The following KLHL29 variants were observed in gnomAD, a reference collection of about 807,000 sequenced individuals.
KLHL29 encodes kelch-like protein 29.
In KLHL29, 21 loss-of-function variants were observed where a neutral mutation model predicts 80.4. The observed-to-expected ratio is 0.26, with a 90% CI of 0.19 to 0.38. The LOEUF (loss-of-function observed/expected upper bound fraction) is 0.38, where lower values mean the gene tolerates loss of function less well. Ranked by LOEUF, KLHL29 falls within the 10% of genes least tolerant of loss-of-function variation. The pLI is 1.00. For missense variants in KLHL29, 867 were observed against 1,223.9 expected (o/e 0.71, Z 4.35); for synonymous variants, 511 against 526.8 (o/e 0.97, Z 0.41).
chr2:23,466,164 G>A (rs1530045), intron 1 of KLHL29, among the ~76,000 whole-genome samples: 46,308 of 151,980 alleles, frequency 0.3, 7,129 homozygotes, highest in East Asian at 0.37. Flanking sequence ...ATTTCCGTCC[G>A]CTGGGGTAAT....
intron 6 of KLHL29, chr2:23,689,525 T>C (rs964218145): frequency 6.6e-6 from 1 of 152,402 alleles, no homozygotes; most frequent in Admixed American, 6.5e-5. Context: ...TGCGTGTGCA[T>C]GTGCTCGCAC....
Position 23,419,635 on chromosome 2 carries a change from C to G in KLHL29, c.-154+33855C>G, listed in dbSNP as rs1572497658. Among the ~76,000 whole-genome samples the G allele has an allele frequency of 2.0e-5, 3 of 152,278 alleles. No homozygotes were observed. In the South Asian group the frequency reaches 6.2e-4, roughly 32 times the overall value. ...CAGAATAGATTTTTAATTGCCCTTTCCCTGAAAAATGTCGAGCGGAATGAG... is the reference window on the plus strand; with the variant it reads ...CAGAATAGATTTTTAATTGCCCTTTGCCTGAAAAATGTCGAGCGGAATGAG... On this transcript the variant is annotated intron_variant, in intron 1 of 13. Transcript: ENST00000486442.
intron 1 of KLHL29, among the ~76,000 whole-genome samples, chr2:23,386,698 C>T (rs1414031357): frequency 6.6e-6 from 1 of 152,082 alleles, no homozygotes; most frequent in African/African-American, 2.4e-5. Context: ...GGGTTATCTG[C>T]GGTCGCCGCG....
chr2:23,505,141 G>A (rs1665562304), intron 2 of KLHL29, among the ~76,000 whole-genome samples: 1 of 152,204 alleles, frequency 6.6e-6, no homozygotes, highest in South Asian at 2.1e-4. Context: ...CTCCCTTCGA[G>A]GTTAAGTGTC....
In KLHL29 at chr2:23,412,693, C is replaced by CA. The variant is rs1572492072; in HGVS notation, c.-154+26919dup. 2.6e-5 allele frequency among the ~76,000 whole-genome samples: 4 copies of CA among 152,228 alleles called. No individual in the cohort carries two copies. In the East Asian group the frequency reaches 7.7e-4, roughly 29 times the overall value. ...GGTCTTTCAAGCACCTGGGCCTGGA[C>CA]AAAAAAGTTCCACAGGGGTCAAAGG... On this transcript the variant is annotated intron_variant, in intron 1 of 13. Coordinates refer to ENST00000486442, the MANE Select transcript of KLHL29 (RefSeq NM_052920.2).
chr2:23,446,212 T>TC (rs1663671772), intron 1 of KLHL29, among the ~76,000 whole-genome samples: 1 of 151,962 alleles, frequency 6.6e-6, no homozygotes, highest in Admixed American at 6.5e-5. Context: ...GAGTTTTTTT[T>TC]TTTTTTCTGG....
chr2:23,459,709 G>C (rs1356747583), intron 1 of KLHL29, among the ~76,000 whole-genome samples: 2 of 152,350 alleles, frequency 1.3e-5, no homozygotes, highest in East Asian at 3.9e-4. Context: ...ATAGTGGTTA[G>C]TGCCCATGCC....
At chr2:23,616,214 A>G (rs940872685) in intron 3 of KLHL29, among the ~76,000 whole-genome samples, 1 of 152,104 alleles carries the variant, frequency 6.6e-6, no homozygotes, top group African/African-American at 2.4e-5. Flanking sequence ...CTCCCTCCTC[A>G]GCCTGGGGTT....
chr2:23,575,351 C>T (rs1374069291), intron 3 of KLHL29, among the ~76,000 whole-genome samples: 1 of 152,226 alleles, frequency 6.6e-6, no homozygotes, highest in Non-Finnish European at 1.5e-5. Flanking sequence ...AAATATGCGC[C>T]TGGCACAAGT....
chr2:23,704,101 T>G (rs759626527), intron 13 of KLHL29, among the ~76,000 whole-genome samples: 1 of 152,136 alleles, frequency 6.6e-6, no homozygotes, highest in Non-Finnish European at 1.5e-5. Context: ...CCAGCAGAAA[T>G]GAACCATTTC....
At chr2:23,550,771 G>A (rs1324708281) in intron 2 of KLHL29, among the ~76,000 whole-genome samples, 1 of 152,230 alleles carries the variant, frequency 6.6e-6, no homozygotes, top group Non-Finnish European at 1.5e-5. Flanking sequence ...TTGCCACTGG[G>A]TCTGGCTCCA....
At chr2:23,485,764 G>A (rs2103444946) in intron 2 of KLHL29, among the ~76,000 whole-genome samples, 1 of 152,314 alleles carries the variant, frequency 6.6e-6, no homozygotes, top group African/African-American at 2.4e-5. Flanking sequence ...TTCCAGCTGT[G>A]CAACCTCTGG....
intron 3 of KLHL29, among the ~76,000 whole-genome samples, chr2:23,572,939 C>T (rs1008552825): frequency 9.9e-5 from 15 of 152,220 alleles, no homozygotes; most frequent in African/African-American, 3.4e-4. Context: ...CCGCCCGCCT[C>T]GGCCTCCCAA....
chr2:23,692,982 G>A (rs1354214072), intron 7 of KLHL29, among the ~76,000 whole-genome samples: 1 of 152,166 alleles, frequency 6.6e-6, no homozygotes, highest in Non-Finnish European at 1.5e-5. Flanking sequence ...CCCAGGCTCT[G>A]AGCAGGGCTC....
At chr2:23,552,286 T>C (rs952632021) in intron 2 of KLHL29, among the ~76,000 whole-genome samples, 1 of 152,228 alleles carries the variant, frequency 6.6e-6, no homozygotes, top group Non-Finnish European at 1.5e-5. Flanking sequence ...CCATGCTGGC[T>C]GTGCGCGTGG....
intron 2 of KLHL29, among the ~76,000 whole-genome samples, chr2:23,504,859 C>A (rs1665554444): frequency 6.6e-6 from 1 of 152,188 alleles, no homozygotes; most frequent in Non-Finnish European, 1.5e-5. Context: ...GTTGAATGTG[C>A]CCAGGCCTCT....
At chr2:23,411,379 T>TTGTGTGTGTGTG (rs56103621) in intron 1 of KLHL29, among the ~76,000 whole-genome samples, 1,354 of 108,978 alleles carry the variant, frequency 0.012, 36 homozygotes, top group African/African-American at 0.039. Context: ...GTTGCAAAAA[T>TTGTGTGTGTGTG]TGTGTGTGTG....
At chr2:23,569,200 CA>C (rs1667659261) in intron 3 of KLHL29, among the ~76,000 whole-genome samples, 1 of 152,208 alleles carries the variant, frequency 6.6e-6, no homozygotes, top group Non-Finnish European at 1.5e-5. Context: ...GGACTTTGAC[CA>C]GAGGCTTTCT....
chr2:23,485,391 G>A (rs1338795094), intron 2 of KLHL29, among the ~76,000 whole-genome samples: 2 of 152,202 alleles, frequency 1.3e-5, no homozygotes, highest in Non-Finnish European at 2.9e-5. Context: ...TGTGAAAGGA[G>A]CCAGCCACAC....
Sources: allele counts gnomAD v4.1 joint callset (sites outside exome capture counted in the v4.1 genomes callset), GRCh38; gene constraint gnomAD v4.1.1; transcripts MANE v1.5; gene names NCBI Gene and HGNC (gene_info 2026-07-23, HGNC 2026-07-21).